EPB41L4A: variants seen among roughly 807,000 people sequenced by gnomAD.
EPB41L4A encodes band 4.1-like protein 4A.
Under a neutral mutation model 108.6 loss-of-function variants are expected in EPB41L4A, and 100 were observed. The observed-to-expected ratio is 0.92, with a 90% confidence interval of 0.78 to 1.09. The LOEUF (loss-of-function observed/expected upper bound fraction) is 1.09. Among genes scored for constraint, EPB41L4A ranks in the 50% least tolerant of loss-of-function variants. The pLI is 0.00. For synonymous variants in EPB41L4A, 319 were observed against 289.0 expected, an observed-to-expected ratio of 1.10 and a Z score of -1.05; for missense variants, 1,030 against 842.7, an observed-to-expected ratio of 1.22 and a Z score of -2.75.
chr5:112,368,577 C>T (rs1157818856), intron 1 of EPB41L4A, among the ~76,000 whole-genome samples: 1 of 152,128 alleles, frequency 6.6e-6, no homozygotes, highest in Non-Finnish European at 1.5e-5. Flanking sequence ...ATTCCAGACG[C>T]CTCCTTTCCT....
intron 1 of EPB41L4A, among the ~76,000 whole-genome samples, chr5:112,385,083 G>A (rs1387371119): frequency 6.6e-6 from 1 of 152,176 alleles, no homozygotes; most frequent in Non-Finnish European, 1.5e-5. Context: ...CGAAGCCCTT[G>A]CCAGCAGAAG....
chr5:112,290,786 G>A (rs1753593130), intron 2 of EPB41L4A, among the ~76,000 whole-genome samples: 1 of 152,084 alleles, frequency 6.6e-6, no homozygotes, highest in Non-Finnish European at 1.5e-5. Flanking sequence ...TGTAGTTTTA[G>A]CTAACCAAGT....
At chr5:112,217,493 G>A (rs925225265) in intron 12 of EPB41L4A, among the ~76,000 whole-genome samples, 1 of 152,140 alleles carries the variant, frequency 6.6e-6, no homozygotes, top group African/African-American at 2.4e-5. Context: ...GAGGCTAGGA[G>A]TTTGAGATCA....
intron 12 of EPB41L4A, among the ~76,000 whole-genome samples, chr5:112,220,131 G>T (rs1747945199): frequency 6.6e-6 from 1 of 152,078 alleles, no homozygotes; most frequent in Non-Finnish European, 1.5e-5. Flanking sequence ...CTTTTATTTT[G>T]ATTTTCGATG....
intron 5 of EPB41L4A, among the ~76,000 whole-genome samples, chr5:112,265,439 A>G (rs1028310013): frequency 3.3e-5 from 5 of 152,196 alleles, no homozygotes; most frequent in African/African-American, 1.2e-4. Flanking sequence ...TGAAATAATG[A>G]TCATGGAAAT....
intron 1 of EPB41L4A, among the ~76,000 whole-genome samples, chr5:112,411,623 G>A (rs1762418235): frequency 1.4e-5 from 2 of 140,724 alleles, no homozygotes; most frequent in African/African-American, 6.3e-5. Context: ...AACTGGGGCT[G>A]GCAAAAAAAA....
rs56332921 is a variant in EPB41L4A at position 112,291,574 on chromosome 5, T to C, written c.205-11251A>G. Among the ~76,000 whole-genome samples the C allele has an allele frequency of 5.8e-3, 887 of 152,238 alleles. 2 individuals are homozygous for C. Among genetic ancestry groups the C allele is most frequent in the Middle Eastern group, 0.014 (4 of 294 alleles). On this transcript the variant is annotated intron_variant, in intron 2 of 22. Coordinates refer to ENST00000261486, the MANE Select transcript of EPB41L4A (RefSeq NM_022140.5). ...TGCCCCTAGCAGGACTCTAATCTTC[T>C]CCCACCTTTCTGACTGTGGGTCTTA...
At chr5:112,169,162 T>A in intron 20 of EPB41L4A, 57 bp from the exon 21 acceptor site, 1 of 1,238,954 alleles carries the variant, frequency 8.1e-7, no homozygotes, top group Non-Finnish European at 1.2e-6. Context: ...AAAGGAAAAG[T>A]AGGAGTTCTT....
chr5:112,385,447 C>T (rs1358143252), intron 1 of EPB41L4A, among the ~76,000 whole-genome samples: 1 of 151,078 alleles, frequency 6.6e-6, no homozygotes, highest in Non-Finnish European at 1.5e-5. Flanking sequence ...CACAGAAAAG[C>T]CAATCCAGAG....
chr5:112,399,071 C>T (rs564308033), intron 1 of EPB41L4A, among the ~76,000 whole-genome samples: 23 of 152,224 alleles, frequency 1.5e-4, no homozygotes, highest in African/African-American at 5.5e-4. Flanking sequence ...CCATCACCCT[C>T]GCCAAAATCA....
At chr5:112,212,294 G>T (rs12523486) in intron 12 of EPB41L4A, among the ~76,000 whole-genome samples, 94,931 of 136,332 alleles carry the variant, frequency 0.7, 31,366 homozygotes, top group East Asian at 0.98. Context: ...AGTTGTTTTT[G>T]TTTTTTTTTT....
chr5:112,345,766 TACATATATATATATACACACACACAC>T (rs2150713689), intron 1 of EPB41L4A, among the ~76,000 whole-genome samples: 1 of 112,332 alleles, frequency 8.9e-6, no homozygotes, highest in African/African-American at 3.3e-5. Context: ...TATATATATA[TACATATATATATATACACACACACAC>T]ACACACACAC....
intron 1 of EPB41L4A, among the ~76,000 whole-genome samples, chr5:112,377,784 G>T (rs1759908648): frequency 6.6e-6 from 1 of 151,876 alleles, no homozygotes; most frequent in South Asian, 2.1e-4. Flanking sequence ...TCTCTTCCCA[G>T]TACCATTACC....
rs1216932030 is a variant in EPB41L4A at position 112,221,755 on chromosome 5, T to C, written c.1088-11773A>G. On this transcript the variant is annotated intron_variant, in intron 12 of 22. Coordinates refer to ENST00000261486, the MANE Select transcript of EPB41L4A (RefSeq NM_022140.5). ...AGAAAAAGAAAAAAGGTGTCATTTA[T>C]GGTAACTCACTAAAGCTGTGATTTT... Among the ~76,000 whole-genome samples, 13 of 152,234 alleles carry C rather than the reference T, an allele frequency of 8.5e-5. No individual in the cohort carries two copies. In the East Asian group the frequency reaches 1.7e-3, roughly 20 times the overall value.
intron 18 of EPB41L4A, among the ~76,000 whole-genome samples, chr5:112,171,940 G>T (rs546315126): frequency 8.9e-5 from 12 of 135,560 alleles, no homozygotes; most frequent in Non-Finnish European, 2.9e-5. Flanking sequence ...AATGCTTTTA[G>T]TGTATGATAT....
downstream of EPB41L4A, among the ~76,000 whole-genome samples, chr5:112,158,637 T>A (rs1199579338): frequency 6.6e-6 from 1 of 152,174 alleles, no homozygotes; most frequent in African/African-American, 2.4e-5. Context: ...TGGGGAGGCC[T>A]CAGGAAACTT....
intron 1 of EPB41L4A, chr5:112,363,317 G>A (rs1758898876): frequency 2.6e-5 from 4 of 151,242 alleles, no homozygotes. Context: ...ATCCTGACTG[G>A]TGATGTAAGA....
intron 15 of EPB41L4A, among the ~76,000 whole-genome samples, chr5:112,201,865 C>T (rs1190410458): frequency 3.3e-5 from 5 of 152,128 alleles, no homozygotes; most frequent in Non-Finnish European, 7.3e-5. Context: ...GATTCCAATC[C>T]CATGTGTGCC....
intron 1 of EPB41L4A, among the ~76,000 whole-genome samples, chr5:112,315,186 C>G (rs1476705512): frequency 1.3e-5 from 2 of 152,108 alleles, no homozygotes; most frequent in African/African-American, 2.4e-5. Context: ...AAAGCCTGTC[C>G]AAATCCTCTC....
Sources: allele counts gnomAD v4.1 joint callset (sites outside exome capture counted in the v4.1 genomes callset), GRCh38; gene constraint gnomAD v4.1.1; transcripts MANE v1.5; gene names NCBI Gene and HGNC (gene_info 2026-07-23, HGNC 2026-07-21).